Variants in TBCD observed in about 807,000 individuals in gnomAD.
TBCD encodes tubulin-specific chaperone D.
TBCD carries 105 observed loss-of-function variants against 169.3 expected under a neutral mutation model. That is an observed-to-expected ratio of 0.62 (90% CI 0.53 to 0.73). The LOEUF (loss-of-function observed/expected upper bound fraction) is 0.73, where lower values mean the gene tolerates loss of function less well. Ranked by LOEUF, TBCD falls within the 30% of genes least tolerant of loss-of-function variation. The pLI is 0.00. For synonymous variants in TBCD, 700 were observed against 643.9 expected, an observed-to-expected ratio of 1.09 and a Z score of -1.32; for missense variants, 1,444 against 1,600.1, an observed-to-expected ratio of 0.90 and a Z score of 1.66.
intron 6 of TBCD, among the ~76,000 whole-genome samples, chr17:82,777,564 C>T (rs1056192027): frequency 1.3e-5 from 2 of 152,216 alleles, no homozygotes; most frequent in African/African-American, 2.4e-5. Flanking sequence ...GGGGGCCCTT[C>T]CCTGCCTGGC....
chr17:82,853,576 CTT>C (rs796846271), intron 13 of TBCD, among the ~76,000 whole-genome samples: 2 of 145,756 alleles, frequency 1.4e-5, no homozygotes, highest in African/African-American at 2.5e-5. Context: ...CTCATTTTTT[CTT>C]TTTTTTTTTG....
chr17:82,868,231 G>A (rs1248001743), intron 13 of TBCD, among the ~76,000 whole-genome samples: 4 of 152,198 alleles, frequency 2.6e-5, no homozygotes, highest in Non-Finnish European at 4.4e-5. Flanking sequence ...GCACCACACC[G>A]GAGGACAGCT....
At chr17:82,758,552 G>A (rs1471018339) in intron 2 of TBCD, among the ~76,000 whole-genome samples, 1 of 147,990 alleles carries the variant, frequency 6.8e-6, no homozygotes, top group Non-Finnish European at 1.5e-5. Context: ...GCCCAGCTGA[G>A]TTCATTATTT....
Position 82,929,380 on chromosome 17 carries a change from G to A in TBCD, c.2871G>A (p.Val957=). 6.2e-7 allele frequency: 1 copy of A among 1,613,086 alleles called. No homozygotes were observed. The highest frequency in any genetic ancestry group is 8.5e-7 in the Non-Finnish European group (1 of 1,179,770). ...KLFPRSDVAS[V]NWSAPSQAFP... Reference sequence around the variant, plus strand: ...CTTGCAGGTCCGATGTGGCCTCCGTGAACTGGAGTGCACCTTCCCAGGCCT... The same window carrying A: ...CTTGCAGGTCCGATGTGGCCTCCGTAAACTGGAGTGCACCTTCCCAGGCCT... Residue 957 remains valine, a synonymous_variant, in exon 32 of 39, where the codon GTG becomes GTA. Coordinates refer to ENST00000355528, the MANE Select transcript of TBCD (RefSeq NM_005993.5).
intron 13 of TBCD, among the ~76,000 whole-genome samples, chr17:82,817,504 C>T (rs1303089635): frequency 6.6e-6 from 1 of 152,138 alleles, no homozygotes; most frequent in African/African-American, 2.4e-5. Flanking sequence ...CCCATGTTGT[C>T]CGGGCTGGTC....
intron 14 of TBCD, among the ~76,000 whole-genome samples, chr17:82,881,534 C>T (rs76922158): frequency 0.11 from 16,241 of 152,188 alleles, 1,158 homozygotes; most frequent in South Asian, 0.29. Context: ...CCAGCCGATA[C>T]GGGCCTGCTG....
rs535423782 is a variant in TBCD at position 82,874,533 on chromosome 17, C to T, written c.1475+4153C>T. On this transcript the variant is annotated intron_variant, in intron 14 of 38. Coordinates refer to ENST00000355528, the MANE Select transcript of TBCD (RefSeq NM_005993.5). The surrounding 1 kb of genome is among the most constrained non-coding windows in gnomAD (Gnocchi z 5.0). ...AGCCTGGAGCTGGCGTTGTGCCCCT[C>T]GCCCCTTTACCTGTGCCATCCCGGC... Among the ~76,000 whole-genome samples the T allele has an allele frequency of 8.3e-4, 127 of 152,276 alleles. No homozygotes were observed. The highest frequency in any genetic ancestry group is 1.2e-4 in the Non-Finnish European group (8 of 68,008).
chr17:82,896,026 T>C (rs192155168), intron 17 of TBCD: 8 of 152,330 alleles, frequency 5.3e-5, no homozygotes, highest in African/African-American at 1.9e-4. Flanking sequence ...TGTAAATTCG[T>C]ACCTATCACC....
chr17:82,866,687 C>T (rs1283570034), intron 13 of TBCD, among the ~76,000 whole-genome samples: 1 of 150,334 alleles, frequency 6.7e-6, no homozygotes, highest in Non-Finnish European at 1.5e-5. Flanking sequence ...GCACTGCCAC[C>T]TGGGCAGAGG....
At chr17:82,871,672 G>C (rs561056768) in intron 14 of TBCD, among the ~76,000 whole-genome samples, 1 of 152,220 alleles carries the variant, frequency 6.6e-6, no homozygotes, top group South Asian at 2.1e-4. Context: ...GCGGGGCGCC[G>C]GTGGCAGATG....
rs1195393119 is a variant in TBCD at position 82,903,195 on chromosome 17, GT to G, written c.1731-208del. ...CAGCTGTGTCCCAAGAAGAACCGTG[GT>G]TAGCCGTGTGACCTCGCTGTTGTAG... is the stretch of plus-strand genomic sequence containing the variant. On this transcript the variant is annotated intron_variant, in intron 18 of 38. Transcript: ENST00000355528. The surrounding 1 kb of genome is among the most constrained non-coding windows in gnomAD (Gnocchi z 4.8). Among the ~76,000 whole-genome samples the G allele has an allele frequency of 6.6e-6, 1 of 152,192 alleles. No individual in the cohort carries two copies. Among genetic ancestry groups the G allele is most frequent in the African/African-American group, 2.4e-5 (1 of 41,450 alleles).
At chr17:82,860,549 T>C in intron 13 of TBCD, 1 of 704,010 alleles carries the variant, frequency 1.4e-6, no homozygotes, top group South Asian at 6.4e-5. Context: ...AGTTCTAGCT[T>C]AGAACAGGAA....
chr17:82,944,710 C>T lies in TBCD; in HGVS notation c.*2247C>T, dbSNP rs941340169. ...AGCTGATGTGGGATTTGTGTACCCA[C>T]AAACACGTTCTAGGTGCTAACCAGA... On this transcript the variant is annotated 3_prime_UTR_variant, in exon 39 of 39. Transcript: ENST00000355528. The T allele has an allele frequency of 2.6e-5, 4 of 152,188 alleles. No individual in the cohort carries two copies. The highest frequency in any genetic ancestry group is 4.4e-5 in the Non-Finnish European group (3 of 68,030). 9.4% of individuals were successfully genotyped at this position (152,188 alleles called of 1,614,324 possible). A position where few individuals can be genotyped will look rare whatever the true frequency, so the allele number is the denominator to read the frequency against.
chr17:82,762,795 A>G (rs951076419), intron 2 of TBCD, among the ~76,000 whole-genome samples: 5 of 151,804 alleles, frequency 3.3e-5, no homozygotes, highest in African/African-American at 1.2e-4. Flanking sequence ...TACTGATGCC[A>G]TGAAGATTGT....
chr17:82,923,381 G>A lies in TBCD; in HGVS notation c.2179-271G>A, dbSNP rs566708319. ...CTTTTGGTTTGGTTCGAAAGTCATTGCTGTGCCGAGATCTCAGGGTGACCC... is the reference window on the plus strand; with the variant it reads ...CTTTTGGTTTGGTTCGAAAGTCATTACTGTGCCGAGATCTCAGGGTGACCC... On this transcript the variant is annotated intron_variant, in intron 25 of 38. Transcript: ENST00000355528. This position sits in a 1 kb window ranked among gnomAD's most constrained non-coding sequence, Gnocchi z 4.6. 6.6e-6 allele frequency among the ~76,000 whole-genome samples: 1 copy of A among 152,316 alleles called. No homozygotes were observed. The highest frequency in any genetic ancestry group is 1.9e-4 in the East Asian group (1 of 5,158).
chr17:82,814,395 C>T (rs2051695281), intron 12 of TBCD, among the ~76,000 whole-genome samples: 1 of 152,226 alleles, frequency 6.6e-6, no homozygotes, highest in African/African-American at 2.4e-5. Flanking sequence ...GGGACGGTCT[C>T]TTTGTTTGGG....
intron 36 of TBCD, among the ~76,000 whole-genome samples, chr17:82,938,773 G>C (rs2062849594): frequency 6.6e-6 from 1 of 151,702 alleles, no homozygotes; most frequent in African/African-American, 2.4e-5. Flanking sequence ...CTGATGAAAA[G>C]AGAGCAGGCG....
rs553603015 is a variant in TBCD, at chr17:82,904,142, C to T, written c.1804+664C>T. 5.5e-4 allele frequency among the ~76,000 whole-genome samples: 83 copies of T among 149,644 alleles called. 1 individual carries two copies. The highest frequency in any genetic ancestry group is 2.0e-3 in the African/African-American group (79 of 40,400). On this transcript the variant is annotated intron_variant, in intron 19 of 38. Transcript: ENST00000355528. Reference sequence around the variant, plus strand: ...TGGCATGCACCTGCCACACGACACTCCTTGGTCTCTAGGTGGCTTCCATCT... The same window carrying T: ...TGGCATGCACCTGCCACACGACACTTCTTGGTCTCTAGGTGGCTTCCATCT...
intron 7 of TBCD, among the ~76,000 whole-genome samples, chr17:82,790,753 C>T (rs1309500023): frequency 6.6e-6 from 1 of 152,122 alleles, no homozygotes; most frequent in Non-Finnish European, 1.5e-5. Flanking sequence ...GCTTTTTTCT[C>T]TTCCACATGG....
Sources: allele counts gnomAD v4.1 joint callset (sites outside exome capture counted in the v4.1 genomes callset), GRCh38; gene constraint gnomAD v4.1.1; non-coding constraint Gnocchi (gnomAD v3.1); transcripts MANE v1.5; gene names NCBI Gene and HGNC (gene_info 2026-07-23, HGNC 2026-07-21).